The following DPP10 variants were observed in gnomAD, a reference collection of about 807,000 sequenced individuals.
DPP10 encodes the protein inactive dipeptidyl peptidase 10.
Under a neutral mutation model 120.9 loss-of-function variants are expected in DPP10, and 33 were observed. The observed-to-expected ratio is 0.27, with a 90% CI of 0.21 to 0.37. DPP10 has a LOEUF of 0.37. Among genes scored for constraint, DPP10 ranks in the 10% least tolerant of loss-of-function variants. The pLI, the probability that DPP10 is intolerant of heterozygous loss-of-function variation, is 1.00. For synonymous variants in DPP10, 337 were observed against 326.1 expected, an observed-to-expected ratio of 1.03 and a Z score of -0.36; for missense variants, 816 against 942.8, an observed-to-expected ratio of 0.87 and a Z score of 1.76.
intron 3 of DPP10, among the ~76,000 whole-genome samples, chr2:115,420,332 T>TC (rs2069825213): frequency 6.6e-6 from 1 of 152,170 alleles, no homozygotes; most frequent in African/African-American, 2.4e-5. Flanking sequence ...ATGTGTGTCT[T>TC]ACTACTGGTA....
chr2:115,419,370 G>A (rs1448198061), intron 3 of DPP10, among the ~76,000 whole-genome samples: 3 of 152,120 alleles, frequency 2.0e-5, no homozygotes, highest in African/African-American at 7.2e-5. Context: ...AAAGTTTTCA[G>A]TCATGGCAGA....
At chr2:114,651,153 C>T (rs2105484607) in intron 1 of DPP10, among the ~76,000 whole-genome samples, 1 of 152,058 alleles carries the variant, frequency 6.6e-6, no homozygotes, top group East Asian at 1.9e-4. Context: ...GTAGAGCAGC[C>T]CTCCCACTCA....
At chr2:115,413,446 G>T (rs1046720516) in intron 3 of DPP10, among the ~76,000 whole-genome samples, 5 of 152,046 alleles carry the variant, frequency 3.3e-5, no homozygotes, top group Non-Finnish European at 5.9e-5. Flanking sequence ...GAGCATGAGG[G>T]TAGGTTATCT....
intron 1 of DPP10, among the ~76,000 whole-genome samples, chr2:114,798,016 C>G (rs566595799): frequency 2.0e-5 from 3 of 152,278 alleles, no homozygotes; most frequent in African/African-American, 7.2e-5. Context: ...TCTCCCATAA[C>G]CTATAATTCC....
At chr2:114,680,898 T>C (rs749435471) in intron 1 of DPP10, among the ~76,000 whole-genome samples, 3 of 152,000 alleles carry the variant, frequency 2.0e-5, no homozygotes, top group Non-Finnish European at 2.9e-5. Context: ...AGAGATGATT[T>C]TGACTATTAC....
intron 1 of DPP10, among the ~76,000 whole-genome samples, chr2:114,619,543 T>C (rs1693934903): frequency 6.6e-6 from 1 of 151,860 alleles, no homozygotes; most frequent in Admixed American, 6.6e-5. Context: ...TTGTCTCTCT[T>C]CCCACTCCAA....
chr2:114,605,530 C>T (rs946748270), intron 1 of DPP10, among the ~76,000 whole-genome samples: 3 of 152,084 alleles, frequency 2.0e-5, no homozygotes, highest in Non-Finnish European at 2.9e-5. Flanking sequence ...ATATAACGCA[C>T]AAATATATGT....
chr2:114,629,649 A>T (rs975091328), intron 1 of DPP10, among the ~76,000 whole-genome samples: 1 of 152,228 alleles, frequency 6.6e-6, no homozygotes, highest in African/African-American at 2.4e-5. Flanking sequence ...GTAGTGAAAT[A>T]GTGAGGTTTC....
intron 5 of DPP10, among the ~76,000 whole-genome samples, chr2:115,602,066 G>A (rs1033235972): frequency 4.6e-5 from 7 of 152,082 alleles, no homozygotes; most frequent in African/African-American, 1.7e-4. Flanking sequence ...TAAATCACCT[G>A]TATCTTCTCT....
At chr2:115,292,928 T>A (rs2060718315) in intron 1 of DPP10, among the ~76,000 whole-genome samples, 1 of 152,118 alleles carries the variant, frequency 6.6e-6, no homozygotes, top group African/African-American at 2.4e-5. Context: ...AGGCTATCAC[T>A]CAGTGAAGCC....
intron 1 of DPP10, among the ~76,000 whole-genome samples, chr2:114,574,352 G>T (rs150897843): frequency 1.3e-5 from 2 of 152,180 alleles, no homozygotes; most frequent in South Asian, 2.1e-4. Flanking sequence ...CAGCATCCCC[G>T]CCCTGCACAG....
At chr2:114,930,127 GC>G (rs1695959250) in intron 1 of DPP10, among the ~76,000 whole-genome samples, 1 of 152,086 alleles carries the variant, frequency 6.6e-6, no homozygotes, top group Non-Finnish European at 1.5e-5. Flanking sequence ...TTTCTGAAAA[GC>G]CTTTTTGACC....
At chr2:115,679,863 G>C (rs978402760) in intron 5 of DPP10, among the ~76,000 whole-genome samples, 1 of 151,868 alleles carries the variant, frequency 6.6e-6, no homozygotes, top group Non-Finnish European at 1.5e-5. Context: ...AGAGAAGATA[G>C]AAAGAGGTTT....
At chr2:115,015,737 C>G (rs563014675) in intron 1 of DPP10, among the ~76,000 whole-genome samples, 1 of 152,226 alleles carries the variant, frequency 6.6e-6, no homozygotes, top group Admixed American at 6.5e-5. Context: ...CACGAGTGAA[C>G]TCCAATTCAC....
chr2:115,479,762 C>A (rs1376993349), intron 3 of DPP10, among the ~76,000 whole-genome samples: 1 of 152,024 alleles, frequency 6.6e-6, no homozygotes, highest in Non-Finnish European at 1.5e-5. Flanking sequence ...GTCATCACTC[C>A]ATATTTGCTG....
chr2:114,581,554 A>C (rs1326457227), intron 1 of DPP10, among the ~76,000 whole-genome samples: 1 of 152,158 alleles, frequency 6.6e-6, no homozygotes, highest in African/African-American at 2.4e-5. Flanking sequence ...GGACTTTTCT[A>C]ACCTGCTGTG....
chr2:114,726,549 T>A (rs1250082599), intron 1 of DPP10, among the ~76,000 whole-genome samples: 4 of 152,362 alleles, frequency 2.6e-5, no homozygotes, highest in African/African-American at 9.6e-5. Context: ...TTAATCATAT[T>A]CATTTTTGCA....
intron 1 of DPP10, among the ~76,000 whole-genome samples, chr2:115,033,696 C>T (rs1304089827): frequency 1.6e-3 from 36 of 22,124 alleles, no homozygotes; most frequent in Admixed American, 0.015. Flanking sequence ...TATCTTCCCT[C>T]CTTTTTTTTT....
chr2:115,793,463 A>C (rs1684211416), intron 19 of DPP10, among the ~76,000 whole-genome samples: 1 of 152,084 alleles, frequency 6.6e-6, no homozygotes, highest in South Asian at 2.1e-4. Flanking sequence ...TATAAATGGC[A>C]AAATTATAAG....
Sources: allele counts gnomAD v4.1 joint callset (sites outside exome capture counted in the v4.1 genomes callset), GRCh38; gene constraint gnomAD v4.1.1; transcripts MANE v1.5; gene names NCBI Gene and HGNC (gene_info 2026-07-23, HGNC 2026-07-21).